MACROD2: variants seen among roughly 807,000 people sequenced by gnomAD.
MACROD2 encodes mono-ADP ribosylhydrolase 2.
In MACROD2, 36 loss-of-function variants were observed where a neutral mutation model predicts 70.4. The observed-to-expected ratio is 0.51, with a 90% CI of 0.39 to 0.68. The LOEUF (loss-of-function observed/expected upper bound fraction) is 0.68. Ranked by LOEUF, MACROD2 falls within the 30% of genes least tolerant of loss-of-function variation. The pLI is 0.00. For synonymous variants in MACROD2, 172 were observed against 178.8 expected (o/e 0.96, Z 0.30); for missense variants, 496 against 538.4 (o/e 0.92, Z 0.78).
At chr20:14,702,564 TACAC>T (rs1177514920) in intron 5 of MACROD2, among the ~76,000 whole-genome samples, 4 of 123,760 alleles carry the variant, frequency 3.2e-5, no homozygotes, top group East Asian at 5.1e-4. Flanking sequence ...TATATATATA[TACAC>T]ATATATGTGT....
At position 14,644,668 on chromosome 20, in the gene MACROD2, TA is replaced by T. The variant is rs1458817971; in HGVS notation, c.302-40173del. On this transcript the variant is annotated intron_variant, in intron 4 of 17. Transcript: ENST00000684519. ...ACTATCTTGAAACAATGTTTATAAC[TA>T]ATGTTTATATGACAGAAAATTGGTG... Among the ~76,000 whole-genome samples, 6 of 152,296 alleles carry T rather than the reference TA, an allele frequency of 3.9e-5. No homozygotes were observed. The East Asian group carries it at 1.2e-3, about 29-fold the overall frequency.
intron 5 of MACROD2, among the ~76,000 whole-genome samples, chr20:14,716,219 T>C (rs1034486031): frequency 2.6e-5 from 4 of 152,210 alleles, no homozygotes; most frequent in East Asian, 3.9e-4. Context: ...AAGATAGTTT[T>C]TTAAATGTGA....
intron 3 of MACROD2, among the ~76,000 whole-genome samples, chr20:14,194,495 A>T (rs2081413969): frequency 6.6e-6 from 1 of 152,316 alleles, no homozygotes; most frequent in Non-Finnish European, 1.5e-5. Context: ...AGACAAATTC[A>T]TAAGTGACAC....
At chr20:14,481,152 C>A (rs561916282) in intron 3 of MACROD2, among the ~76,000 whole-genome samples, 1 of 152,118 alleles carries the variant, frequency 6.6e-6, no homozygotes, top group East Asian at 1.9e-4. Context: ...CTTAGGTTAG[C>A]CAGTTTGCAT....
intron 3 of MACROD2, among the ~76,000 whole-genome samples, chr20:14,322,597 G>T (rs1198703926): frequency 6.6e-6 from 1 of 151,828 alleles, no homozygotes; most frequent in Non-Finnish European, 1.5e-5. Flanking sequence ...GTTGTCCCTC[G>T]AAAACAACCA....
At chr20:15,517,591 A>G (rs2047586466) in intron 8 of MACROD2, among the ~76,000 whole-genome samples, 1 of 152,206 alleles carries the variant, frequency 6.6e-6, no homozygotes, top group Admixed American at 6.5e-5. Context: ...GGCTTAATAA[A>G]TGTTCACTGA....
At chr20:14,857,358 CA>C (rs1238925414) in intron 5 of MACROD2, among the ~76,000 whole-genome samples, 1 of 152,200 alleles carries the variant, frequency 6.6e-6, no homozygotes, top group Admixed American at 6.5e-5. Context: ...CAGACCTGAA[CA>C]AGGTGAAGAC....
chr20:15,533,965 C>T (rs761960916), intron 8 of MACROD2, among the ~76,000 whole-genome samples: 13 of 152,088 alleles, frequency 8.5e-5, no homozygotes, highest in Non-Finnish European at 1.8e-4. Context: ...GCTTCCCATG[C>T]CACTTCTTGG....
chr20:15,522,085 G>A (rs774641188), intron 8 of MACROD2, among the ~76,000 whole-genome samples: 8 of 152,192 alleles, frequency 5.3e-5, no homozygotes, highest in Non-Finnish European at 1.2e-4. Flanking sequence ...CAAGGCTGGT[G>A]ATAATATTCA....
intron 13 of MACROD2, among the ~76,000 whole-genome samples, chr20:15,980,356 C>A (rs1312441891): frequency 6.6e-6 from 1 of 152,148 alleles, no homozygotes; most frequent in Non-Finnish European, 1.5e-5. Flanking sequence ...TCATTTCCCC[C>A]TTTTGAGACT....
chr20:14,084,902 C>T (rs542806548), intron 2 of MACROD2, among the ~76,000 whole-genome samples: 1 of 151,662 alleles, frequency 6.6e-6, no homozygotes, highest in Non-Finnish European at 1.5e-5. Flanking sequence ...GTGGGCAGAT[C>T]ACTTGAGGTC....
intron 6 of MACROD2, among the ~76,000 whole-genome samples, chr20:15,341,280 A>G (rs1360726629): frequency 1.3e-5 from 2 of 152,208 alleles, no homozygotes; most frequent in Non-Finnish European, 1.5e-5. Flanking sequence ...AAATAATTAA[A>G]CACATTCCTA....
At chr20:14,248,683 TTA>T (rs1491303433) in intron 3 of MACROD2, among the ~76,000 whole-genome samples, 1 of 151,676 alleles carries the variant, frequency 6.6e-6, no homozygotes, top group Non-Finnish European at 1.5e-5. Flanking sequence ...GGGTTTAGAC[TTA>T]TATCCCATCT....
chr20:14,503,748 T>G (rs921895850), intron 4 of MACROD2, among the ~76,000 whole-genome samples: 2 of 152,240 alleles, frequency 1.3e-5, no homozygotes, highest in African/African-American at 4.8e-5. Flanking sequence ...ACTTCCTAGA[T>G]GCTGAACACA....
rs537839571 is a variant in MACROD2, at chr20:14,045,167, TC to T, written c.164-40452del. 3.9e-3 allele frequency among the ~76,000 whole-genome samples: 595 copies of T among 152,282 alleles called. 2 individuals carry two copies. Among genetic ancestry groups the T allele is most frequent in the Middle Eastern group, 0.014 (4 of 294 alleles). ...CCCGGTTCCCGCCTGCGCCTCTCCC[TC>T]CACACCTCCCTGCAAGCTGAGGGAG... On this transcript the variant is annotated intron_variant, in intron 2 of 17. Coordinates refer to ENST00000684519, the MANE Select transcript of MACROD2 (RefSeq NM_001351661.2).
chr20:14,348,014 C>A (rs766340816), intron 3 of MACROD2, among the ~76,000 whole-genome samples: 2 of 152,124 alleles, frequency 1.3e-5, no homozygotes, highest in Non-Finnish European at 2.9e-5. Context: ...GTAATCCCAG[C>A]ATTTTGGGAG....
At chr20:16,029,333 C>T (rs1268465964) in intron 15 of MACROD2, among the ~76,000 whole-genome samples, 1 of 152,196 alleles carries the variant, frequency 6.6e-6, no homozygotes, top group African/African-American at 2.4e-5. Context: ...TTGAAACCAG[C>T]TGCTGGCAAA....
intron 7 of MACROD2, among the ~76,000 whole-genome samples, chr20:15,458,080 T>C (rs906220150): frequency 2.6e-5 from 4 of 152,164 alleles, no homozygotes; most frequent in African/African-American, 9.7e-5. Flanking sequence ...TCCAGTTACA[T>C]TTTTCCAATT....
At chr20:14,645,374 A>G (rs1985330793) in intron 4 of MACROD2, among the ~76,000 whole-genome samples, 1 of 151,926 alleles carries the variant, frequency 6.6e-6, no homozygotes, top group Admixed American at 6.6e-5. Context: ...ATAGACTTTC[A>G]TATATTGTAA....
Sources: allele counts gnomAD v4.1 joint callset (sites outside exome capture counted in the v4.1 genomes callset), GRCh38; gene constraint gnomAD v4.1.1; transcripts MANE v1.5; gene names NCBI Gene and HGNC (gene_info 2026-07-23, HGNC 2026-07-21).